The following CC2D1B variants were observed in gnomAD, a reference collection of about 807,000 sequenced individuals.
The protein encoded by CC2D1B is coiled-coil and C2 domain-containing protein 1B.
A neutral mutation model predicts 110.8 loss-of-function variants in CC2D1B; 92 were observed. The observed-to-expected ratio is 0.83, with a 90% CI of 0.70 to 0.99. CC2D1B has a LOEUF of 0.99. Ranked by LOEUF, CC2D1B falls within the 50% of genes least tolerant of loss-of-function variation. The pLI, the probability that CC2D1B is intolerant of heterozygous loss-of-function variation, is 0.00. For missense variants in CC2D1B, 1,136 were observed against 1,089.0 expected, an observed-to-expected ratio of 1.04 and a Z score of -0.61; for synonymous variants, 406 against 429.2, an observed-to-expected ratio of 0.95 and a Z score of 0.67.
At chr1:52,357,269 C>A in intron 15 of CC2D1B, 143 bp from the exon 16 acceptor site, 1 of 1,057,240 alleles carries the variant, frequency 9.5e-7, no homozygotes. Context: ...CCATTCTATC[C>A]CAAAATAACA....
chr1:52,358,443 C>T lies in CC2D1B; in HGVS notation c.1349G>A (p.Gly450Asp). 6.2e-7 allele frequency: 1 copy of T among 1,613,878 alleles called. No individual in the cohort carries two copies. Among genetic ancestry groups the T allele is most frequent in the Non-Finnish European group, 8.5e-7 (1 of 1,180,004 alleles). Reference sequence around the variant, plus strand: ...CTCAACACCCATAGTGGACTCCAGGCCAGGGATGGGGGGAAATCCTGTGGG... The same window carrying T: ...CTCAACACCCATAGTGGACTCCAGGTCAGGGATGGGGGGAAATCCTGTGGG... ...PVPPGFPPIP[G>D]LESTMGVEED... Residue 450 changes from glycine to aspartate, a missense_variant, in exon 13 of 25, where the codon GGC becomes GAC. Physicochemically the swap from Gly to Asp is moderately conservative, Grantham distance 94 (BLOSUM62 -1). Transcript: ENST00000284376.
intron 1 of CC2D1B, 67 bp from the exon 2 acceptor site, chr1:52,364,701 G>A: frequency 9.9e-7 from 1 of 1,008,178 alleles, no homozygotes; most frequent in Non-Finnish European, 1.5e-6. Context: ...AGTGCTACCC[G>A]TGGTAAGGTG....
chr1:52,353,401 A>C, intron 24 of CC2D1B, 117 bp downstream of exon 24: 1 of 1,521,620 alleles, frequency 6.6e-7, no homozygotes, highest in Non-Finnish European at 8.8e-7. Flanking sequence ...CCTACCCAGC[A>C]TGGTAGGTCT....
chr1:52,360,092 G>T lies in CC2D1B; in HGVS notation c.745C>A (p.Pro249Thr). The T allele has an allele frequency of 6.3e-7, 1 of 1,588,844 alleles. No individual in the cohort carries two copies. Among genetic ancestry groups the T allele is most frequent in the Non-Finnish European group, 8.6e-7 (1 of 1,168,144 alleles). Residue 249 changes from proline (P) to threonine (T), a missense_variant, in exon 7 of 25, where the codon CCC becomes ACC. By Grantham distance (38) the Pro-to-Thr change is conservative (BLOSUM62 -1). Coordinates refer to ENST00000284376, the MANE Select transcript of CC2D1B (RefSeq NM_001330585.2). ...CAGATACCTGACTCCAAGGCAGGGG[G>T]AGCTGGAGGGTCTGTCTCAGGGCTC... Reference protein sequence around the residue: ...NRSPETDPPAPPALESDNPSQ... With the variant: ...NRSPETDPPATPALESDNPSQ...
At position 52,355,796 on chromosome 1, in the gene CC2D1B, C is replaced by T. The variant is rs761724893; in HGVS notation, c.2103G>A (p.Arg701=). ...CTGGAGGGGCTGGGAGGTTCATTCCCCGGACAATGATCAGATGCATTTCTG... is the reference window on the plus strand; with the variant it reads ...CTGGAGGGGCTGGGAGGTTCATTCCTCGGACAATGATCAGATGCATTTCTG... ...NSTEMHLIIV[R]GMNLPAPPGV... The change falls in exon 19 of 25, where the codon CGG becomes CGA. Residue 701 remains arginine, a synonymous_variant. Transcript: ENST00000284376. The T allele has an allele frequency of 1.2e-6, 2 of 1,613,972 alleles. No individual in the cohort carries two copies. Among genetic ancestry groups the T allele is most frequent in the East Asian group, 4.5e-5 (2 of 44,892 alleles).
chr1:52,359,274 C>T lies in CC2D1B; in HGVS notation c.1102G>A (p.Ala368Thr). 6.2e-7 allele frequency: 1 copy of T among 1,612,896 alleles called. No individual in the cohort carries two copies. Among genetic ancestry groups the T allele is most frequent in the Non-Finnish European group, 8.5e-7 (1 of 1,179,454 alleles). Residue 368 changes from alanine to threonine, a missense_variant, in exon 10 of 25, where the codon GCC becomes ACC. Coordinates refer to ENST00000284376, the MANE Select transcript of CC2D1B (RefSeq NM_001330585.2). ...PAVERVQPVM[A>T]PDVPATPVAP... is the part of the protein sequence containing the mutation. Reference sequence around the variant, plus strand: ...CCTGGGGTTGCTGGGACGTCAGGGGCCATCACTGGCTGCACTCGCTCCACG... The same window carrying T: ...CCTGGGGTTGCTGGGACGTCAGGGGTCATCACTGGCTGCACTCGCTCCACG...
chr1:52,353,581 T>G lies in CC2D1B; in HGVS notation c.2497A>C (p.Ser833Arg). 6.2e-7 allele frequency: 1 copy of G among 1,613,894 alleles called. No homozygotes were observed. The highest frequency in any genetic ancestry group is 2.2e-5 in the East Asian group (1 of 44,868). ...EVKVRLREPL[S>R]GQDVQMVTEN... ...GTGACCATCTGCACATCCTGGCCACTCAGAGGCTCCCGCAGCCTCACCTTC... is the reference window on the plus strand; with the variant it reads ...GTGACCATCTGCACATCCTGGCCACGCAGAGGCTCCCGCAGCCTCACCTTC... The change falls in exon 24 of 25, where the codon AGT becomes CGT. Residue 833 changes from serine (S) to arginine (R), a missense_variant. Transcript: ENST00000284376.
chr1:52,354,490 T>C lies in CC2D1B; in HGVS notation c.2430+118A>G, dbSNP rs751332540. ...AGGATTCCACCTACTCTAAGCACAC[T>C]TGTGGAGAATTTCAAATTAAGTAAT... On this transcript the variant is annotated intron_variant, in intron 23 of 24. Coordinates refer to ENST00000284376, the MANE Select transcript of CC2D1B (RefSeq NM_001330585.2). 3.6e-5 allele frequency: 32 copies of C among 885,594 alleles called. 1 individual carries two copies. In the East Asian group the frequency reaches 6.0e-4, roughly 17 times the overall value. The allele number at this position is 885,594 out of a possible 1,614,324, so 54.9% of individuals were successfully genotyped here.
In CC2D1B at chr1:52,354,059, A is replaced by G. The variant is rs367906604; in HGVS notation, c.2431-412T>C. ...AACCCAGGGTTCCTTCCCATTCACCACGCTACTCCCTCTTTTGGGCAGAAG... is the reference window on the plus strand; with the variant it reads ...AACCCAGGGTTCCTTCCCATTCACCGCGCTACTCCCTCTTTTGGGCAGAAG... On this transcript the variant is annotated intron_variant, in intron 23 of 24. Transcript: ENST00000284376. 2.6e-5 allele frequency among the ~76,000 whole-genome samples: 4 copies of G among 152,188 alleles called. 1 individual carries two copies. Among genetic ancestry groups the G allele is most frequent in the African/African-American group, 9.6e-5 (4 of 41,534 alleles).
rs775129825 is a variant in CC2D1B, at chr1:52,355,847, A to T, written c.2055-3T>A. 1.5e-5 allele frequency: 25 copies of T among 1,613,998 alleles called. No homozygotes were observed. The highest frequency in any genetic ancestry group is 2.1e-5 in the Non-Finnish European group (25 of 1,179,984). On this transcript the variant is annotated splice_polypyrimidine_tract_variant and splice_region_variant and intron_variant, in intron 18 of 24. Coordinates refer to ENST00000284376, the MANE Select transcript of CC2D1B (RefSeq NM_001330585.2). ...TGCTGTTGAGTTCTGAGAAGATCCT[A>T]GAGCCAAGCGGGAAGGAGAAAATGC...
At chr1:52,355,350 G>A in intron 21 of CC2D1B, 48 bp downstream of exon 21, 11 of 1,587,914 alleles carry the variant, frequency 6.9e-6, no homozygotes, top group Non-Finnish European at 9.5e-6. Context: ...CACCAGTGCT[G>A]CCCACACACT....
intron 3 of CC2D1B, among the ~76,000 whole-genome samples, chr1:52,362,319 C>T (rs1646797992): frequency 6.6e-6 from 1 of 152,232 alleles, no homozygotes; most frequent in Non-Finnish European, 1.5e-5. Flanking sequence ...TCAGTCTGTG[C>T]TAACTGGGCC....
chr1:52,365,719 G>A (rs933374488), intron 1 of CC2D1B, among the ~76,000 whole-genome samples: 8 of 152,230 alleles, frequency 5.3e-5, no homozygotes, highest in African/African-American at 1.7e-4. Context: ...AGGGGGAAAA[G>A]GCAGGAAGCC....
chr1:52,359,183 G>A (rs766890026), intron 10 of CC2D1B, 26 bp from the exon 11 acceptor site: 1 of 1,609,454 alleles, frequency 6.2e-7, no homozygotes, highest in Non-Finnish European at 8.5e-7. Context: ...GAAGAAGTGG[G>A]CATCAGGTCA....
chr1:52,358,634 T>G, intron 12 of CC2D1B, 52 bp downstream of exon 12: 2 of 1,591,740 alleles, frequency 1.3e-6, no homozygotes, highest in Non-Finnish European at 1.7e-6. Context: ...CCCATTCCCT[T>G]CTTGCCCAGG....
Position 52,354,860 on chromosome 1 carries a change from C to A in CC2D1B, c.2319G>T (p.Lys773Asn). 6.2e-7 allele frequency: 1 copy of A among 1,614,192 alleles called. No individual in the cohort carries two copies. Among genetic ancestry groups the A allele is most frequent in the Non-Finnish European group, 8.5e-7 (1 of 1,180,008 alleles). ...CTCACCCTTTGTGGAAGATCTCAAA[C>A]TTGATGCCTTTGCTCTGGATCACCC... ...FKRVIQSKGI[K>N]FEIFHKGSFF... Residue 773 changes from lysine to asparagine, a missense_variant, in exon 22 of 25, where the codon AAG becomes AAT. By Grantham distance (94) the Lys-to-Asn change is moderately conservative. Coordinates refer to ENST00000284376, the MANE Select transcript of CC2D1B (RefSeq NM_001330585.2).
chr1:52,365,683 C>A (rs1337862285), intron 1 of CC2D1B, among the ~76,000 whole-genome samples: 1 of 152,206 alleles, frequency 6.6e-6, no homozygotes, highest in African/African-American at 2.4e-5. Context: ...CCCATTCTGG[C>A]ACCAAAGGGG....
In CC2D1B at chr1:52,357,901, G is replaced by C. The variant is rs139282085; in HGVS notation, c.1462-3C>G. ...GGGGCCTGTGCTGGGGGCTCACCCT[G>C]CAGGTGCCCAGGAGGCTGTTAGGAG... On this transcript the variant is annotated splice_region_variant and splice_polypyrimidine_tract_variant and intron_variant, in intron 13 of 24. Coordinates refer to ENST00000284376, the MANE Select transcript of CC2D1B (RefSeq NM_001330585.2). The C allele has an allele frequency of 7.3e-4, 1,134 of 1,545,608 alleles. 9 individuals carry two copies. The African/African-American group carries it at 0.013, about 18-fold the overall frequency.
rs1373968441 is a variant in CC2D1B, at chr1:52,359,059, G to A, written c.1225C>T (p.Arg409Cys). The A allele has an allele frequency of 2.5e-6, 4 of 1,608,030 alleles. No homozygotes were observed. The highest frequency in any genetic ancestry group is 1.1e-5 in the South Asian group (1 of 91,076). The change falls in exon 11 of 25, where the codon CGC (arginine) becomes TGC (cysteine). Residue 409 changes from arginine to cysteine, a missense_variant. Coordinates refer to ENST00000284376, the MANE Select transcript of CC2D1B (RefSeq NM_001330585.2). Reference protein sequence around the residue: ...GIQARSGGDERKARMHERIAK... With the variant: ...GIQARSGGDECKARMHERIAK... ...ATGCGCTCATGCATCCGAGCCTTGCGCTCGTCCCCACCACTCCGGGCCTGG... is the reference window on the plus strand; with the variant it reads ...ATGCGCTCATGCATCCGAGCCTTGCACTCGTCCCCACCACTCCGGGCCTGG...
Sources: gnomAD v4.1 joint callset for allele counts (sites outside exome capture counted in the v4.1 genomes callset) on GRCh38, gnomAD v4.1.1 for gene constraint, MANE v1.5 for transcripts, NCBI Gene and HGNC (gene_info 2026-07-23, HGNC 2026-07-21) for gene names.